The following ERC2 variants were observed in gnomAD, a reference collection of about 807,000 sequenced individuals.
The protein encoded by ERC2 is ELKS/RAB6-interacting/CAST family member 2.
Under a neutral mutation model 114.8 loss-of-function variants are expected in ERC2, and 42 were observed. That is an observed-to-expected ratio of 0.37 (90% confidence interval 0.29 to 0.47). The LOEUF (loss-of-function observed/expected upper bound fraction) is 0.47, where lower values mean the gene tolerates loss of function less well. Among genes scored for constraint, ERC2 ranks in the 20% least tolerant of loss-of-function variants. The pLI is 0.99. For missense variants in ERC2, 939 were observed against 1,150.7 expected, an observed-to-expected ratio of 0.82 and a Z score of 2.66; for synonymous variants, 454 against 425.5, an observed-to-expected ratio of 1.07 and a Z score of -0.82.
intron 7 of ERC2, among the ~76,000 whole-genome samples, chr3:56,052,889 G>A (rs2075835054): frequency 6.6e-6 from 1 of 152,046 alleles, no homozygotes; most frequent in African/African-American, 2.4e-5. Context: ...ATGCTCCTCT[G>A]CCTCCTGACA....
At chr3:55,737,818 A>G (rs2065731645) in intron 14 of ERC2, among the ~76,000 whole-genome samples, 1 of 152,216 alleles carries the variant, frequency 6.6e-6, no homozygotes, top group Non-Finnish European at 1.5e-5. Context: ...GGCCGTTTGT[A>G]TAGTGACTAG....
At chr3:56,256,839 G>A (rs1368451330) in intron 3 of ERC2, among the ~76,000 whole-genome samples, 2 of 152,076 alleles carry the variant, frequency 1.3e-5, no homozygotes, top group Non-Finnish European at 2.9e-5. Flanking sequence ...TTGTGAATAA[G>A]GTGCCTGCTT....
rs111254767 is a variant in ERC2 at position 55,882,490 on chromosome 3, C to T, written c.2564+5899G>A. On this transcript the variant is annotated intron_variant, in intron 14 of 17. Coordinates refer to ENST00000288221, the MANE Select transcript of ERC2 (RefSeq NM_015576.3). ...AATTGGACTTCTGTATACATAGGTT[C>T]CACATTTGTGGATTCAATCAACCAC... is the stretch of plus-strand genomic sequence containing the variant. Among the ~76,000 whole-genome samples, 1,096 of 152,274 alleles carry T rather than the reference C, an allele frequency of 7.2e-3. 11 individuals are homozygous for T. Among genetic ancestry groups the T allele is most frequent in the African/African-American group, 0.025 (1,034 of 41,552 alleles).
At chr3:55,819,158 A>G (rs552615187) in intron 14 of ERC2, among the ~76,000 whole-genome samples, 6 of 152,154 alleles carry the variant, frequency 3.9e-5, no homozygotes, top group Non-Finnish European at 8.8e-5. Flanking sequence ...CTTTTCTTTC[A>G]ATGGTCCTGG....
At chr3:55,893,098 G>T (rs1306898736) in intron 13 of ERC2, among the ~76,000 whole-genome samples, 1 of 152,108 alleles carries the variant, frequency 6.6e-6, no homozygotes, top group African/African-American at 2.4e-5. Context: ...ACCCAGGAGA[G>T]GGCCCTCACC....
chr3:55,854,072 T>C (rs2061684849), intron 14 of ERC2, among the ~76,000 whole-genome samples: 1 of 152,138 alleles, frequency 6.6e-6, no homozygotes, highest in African/African-American at 2.4e-5. Context: ...GTAAGGAGTT[T>C]GAAACCAGTC....
At chr3:55,636,993 C>T (rs540271218) in intron 17 of ERC2, among the ~76,000 whole-genome samples, 2 of 152,166 alleles carry the variant, frequency 1.3e-5, no homozygotes, top group Non-Finnish European at 2.9e-5. Flanking sequence ...ACACACTTCC[C>T]GACCATTGCC....
intron 16 of ERC2, among the ~76,000 whole-genome samples, chr3:55,693,700 C>T (rs1464217959): frequency 1.3e-5 from 2 of 151,704 alleles, no homozygotes; most frequent in East Asian, 3.9e-4. Context: ...GATGAGACTA[C>T]ATATTTTTTC....
At chr3:56,059,502 T>A (rs1472302006) in intron 7 of ERC2, among the ~76,000 whole-genome samples, 2 of 152,228 alleles carry the variant, frequency 1.3e-5, no homozygotes, top group African/African-American at 4.8e-5. Context: ...ACAACTTACT[T>A]CAGATCTCTA....
intron 3 of ERC2, among the ~76,000 whole-genome samples, chr3:56,222,452 T>C (rs1393983314): frequency 6.6e-6 from 1 of 152,152 alleles, no homozygotes; most frequent in Non-Finnish European, 1.5e-5. Flanking sequence ...CCATCATCCA[T>C]TGGCCAACTG....
At chr3:55,858,606 C>T (rs2061891553) in intron 14 of ERC2, among the ~76,000 whole-genome samples, 1 of 152,156 alleles carries the variant, frequency 6.6e-6, no homozygotes, top group Admixed American at 6.5e-5. Context: ...TCTTAAAGTG[C>T]TCTGATTTAC....
intron 15 of ERC2, among the ~76,000 whole-genome samples, chr3:55,728,092 A>G (rs1379854044): frequency 6.6e-6 from 1 of 152,170 alleles, no homozygotes; most frequent in East Asian, 1.9e-4. Flanking sequence ...TTTTCTTGCC[A>G]TCATGATTTA....
intron 4 of ERC2, among the ~76,000 whole-genome samples, chr3:56,154,014 A>G (rs2081566165): frequency 6.6e-6 from 1 of 152,212 alleles, no homozygotes; most frequent in African/African-American, 2.4e-5. Context: ...CACTTTATTT[A>G]GAATAAAATT....
intron 2 of ERC2, among the ~76,000 whole-genome samples, chr3:56,306,895 C>T (rs1221473013): frequency 6.6e-6 from 1 of 152,196 alleles, no homozygotes; most frequent in Admixed American, 6.5e-5. Flanking sequence ...GCAAGACCTA[C>T]CTTACGTCAC....
intron 17 of ERC2, among the ~76,000 whole-genome samples, chr3:55,631,550 T>A (rs936889839): frequency 6.6e-6 from 1 of 152,204 alleles, no homozygotes; most frequent in Non-Finnish European, 1.5e-5. Flanking sequence ...AAATGGACCA[T>A]CTTTACAGTG....
chr3:55,544,767 C>G (rs1049686241), intron 17 of ERC2, among the ~76,000 whole-genome samples: 2 of 152,072 alleles, frequency 1.3e-5, no homozygotes, highest in Non-Finnish European at 2.9e-5. Flanking sequence ...TTCCACACAA[C>G]CATATACAAA....
chr3:55,935,046 C>T (rs1396369998), intron 13 of ERC2, among the ~76,000 whole-genome samples: 1 of 152,166 alleles, frequency 6.6e-6, no homozygotes, highest in African/African-American at 2.4e-5. Flanking sequence ...TACTCCATGA[C>T]ATTTTGGGAA....
chr3:55,918,729 G>A (rs2065244532), intron 13 of ERC2, among the ~76,000 whole-genome samples: 2 of 151,330 alleles, frequency 1.3e-5, no homozygotes, highest in Non-Finnish European at 1.5e-5. Context: ...GATCTGAAGT[G>A]CCCTAGCTAC....
chr3:55,796,178 A>G (rs1419398095), intron 14 of ERC2, among the ~76,000 whole-genome samples: 1 of 152,208 alleles, frequency 6.6e-6, no homozygotes, highest in African/African-American at 2.4e-5. Flanking sequence ...CACAGGACAC[A>G]TGGAAGGGAA....
Sources: allele counts gnomAD v4.1 joint callset (sites outside exome capture counted in the v4.1 genomes callset), GRCh38; gene constraint gnomAD v4.1.1; transcripts MANE v1.5; gene names NCBI Gene and HGNC (gene_info 2026-07-23, HGNC 2026-07-21).